CCDC73: variants seen among roughly 807,000 people sequenced by gnomAD.
CCDC73 encodes coiled-coil domain containing 73.
In CCDC73, 95 loss-of-function variants were observed where a neutral mutation model predicts 116.5. That is an observed-to-expected ratio of 0.82 (90% CI 0.69 to 0.97). The LOEUF is 0.97. Ranked by LOEUF, CCDC73 falls within the 50% of genes least tolerant of loss-of-function variation. CCDC73 has a pLI of 0.00. For synonymous variants in CCDC73, 398 were observed against 401.3 expected (o/e 0.99, Z 0.10); for missense variants, 1,066 against 1,206.8 (o/e 0.88, Z 1.73).
At chr11:32,660,002 A>T (rs1253253471) in intron 9 of CCDC73, among the ~76,000 whole-genome samples, 2 of 152,156 alleles carry the variant, frequency 1.3e-5, no homozygotes, top group African/African-American at 4.8e-5. Flanking sequence ...TGAGGAATAG[A>T]GTAATATTAA....
At chr11:32,807,930 T>C in the CCDC73 span, among the ~76,000 whole-genome samples, 8 of 152,218 alleles carry the variant, frequency 5.3e-5, no homozygotes, top group Non-Finnish European at 1.2e-4. Flanking sequence ...TAGAAAAGCA[T>C]GTTTAGAGAA....
intron 6 of CCDC73, 133 bp from the exon 7 acceptor site, chr11:32,683,707 A>T: frequency 3.5e-6 from 2 of 577,058 alleles, no homozygotes; most frequent in Non-Finnish European, 6.2e-6. Context: ...TTCAACACAC[A>T]TTTATGGCAC....
intron 6 of CCDC73, among the ~76,000 whole-genome samples, chr11:32,684,620 G>A (rs754887990): frequency 4.2e-4 from 64 of 152,186 alleles, no homozygotes; most frequent in Non-Finnish European, 7.9e-4. Flanking sequence ...CTTGTATCTA[G>A]ACTTTTAAAG....
At chr11:32,821,558 G>T in the CCDC73 span, among the ~76,000 whole-genome samples, 540 of 152,174 alleles carry the variant, frequency 3.5e-3, 6 homozygotes, top group African/African-American at 0.013. Context: ...AAAAAAGAAA[G>T]AAAAAAGTAT....
intron 1 of CCDC73, among the ~76,000 whole-genome samples, chr11:32,782,093 T>C (rs1451710159): frequency 1.3e-5 from 2 of 152,132 alleles, no homozygotes; most frequent in African/African-American, 4.8e-5. Flanking sequence ...ATGCTCCTTA[T>C]GAGAATCTAA....
chr11:32,690,648 C>T (rs1189437994), intron 6 of CCDC73, among the ~76,000 whole-genome samples: 1 of 152,118 alleles, frequency 6.6e-6, no homozygotes, highest in Non-Finnish European at 1.5e-5. Flanking sequence ...TCTCTGTCTC[C>T]TGCTCTGCCA....
chr11:32,625,173 CT>C (rs1855558696), intron 14 of CCDC73, among the ~76,000 whole-genome samples: 1 of 152,120 alleles, frequency 6.6e-6, no homozygotes, highest in Non-Finnish European at 1.5e-5. Context: ...CTATGTGTGT[CT>C]CTGCACGTCA....
At position 32,615,055 on chromosome 11, in the gene CCDC73, G is replaced by C. The variant is rs1200997386; in HGVS notation, c.1376-113C>G. ...CATATTTAACCTTAAATATTTTATG[G>C]GTCAATAATTATACAAACTTAATGA... On this transcript the variant is annotated intron_variant, in intron 15 of 17. Transcript: ENST00000335185. 7.6e-5 allele frequency: 46 copies of C among 601,708 alleles called. 1 individual carries two copies. Among genetic ancestry groups the C allele is most frequent in the Non-Finnish European group, 4.9e-5 (18 of 365,702 alleles). The allele number at this position is 601,708 out of a possible 1,614,324, so 37.3% of individuals were successfully genotyped here.
chr11:32,809,587 A>G, the CCDC73 span, among the ~76,000 whole-genome samples: 1 of 152,216 alleles, frequency 6.6e-6, no homozygotes, highest in Non-Finnish European at 1.5e-5. Context: ...GAAAAGAAAC[A>G]TCCCCGCTCT....
chr11:32,775,979 C>A (rs1387298901), intron 1 of CCDC73, among the ~76,000 whole-genome samples: 1 of 152,122 alleles, frequency 6.6e-6, no homozygotes, highest in East Asian at 1.9e-4. Context: ...TCAGTAGTAT[C>A]ATGTATTCTA....
intron 17 of CCDC73, among the ~76,000 whole-genome samples, chr11:32,610,839 T>C (rs1855415457): frequency 6.6e-6 from 1 of 152,232 alleles, no homozygotes; most frequent in Non-Finnish European, 1.5e-5. Context: ...AAATTTTAAA[T>C]GCTCAAATAC....
chr11:32,758,515 T>C, intron 2 of CCDC73: 1 of 459,848 alleles, frequency 2.2e-6, no homozygotes, highest in South Asian at 1.7e-5. Context: ...CCATGTATGC[T>C]AATTGTGTCC....
rs550947395 is a variant in CCDC73 at position 32,769,051 on chromosome 11, T to C, written c.-15-8793A>G. 5.9e-5 allele frequency among the ~76,000 whole-genome samples: 9 copies of C among 152,230 alleles called. No individual in the cohort carries two copies. The East Asian group carries it at 1.5e-3, about 26-fold the overall frequency. ...CCAGGTCAGTCAAAAATTTAAAAGT[T>C]TGACATTACCAAGTATTAGTAAAGA... On this transcript the variant is annotated intron_variant, in intron 1 of 17. Coordinates refer to ENST00000335185, the MANE Select transcript of CCDC73 (RefSeq NM_001008391.4).
At chr11:32,612,798 G>A (rs1378757168) in intron 16 of CCDC73, among the ~76,000 whole-genome samples, 1 of 151,824 alleles carries the variant, frequency 6.6e-6, no homozygotes, top group Non-Finnish European at 1.5e-5. Flanking sequence ...CATGTACTTC[G>A]ATACCCATCA....
intron 10 of CCDC73, 42 bp from the exon 11 acceptor site, chr11:32,654,079 A>G (rs778219821): frequency 3.3e-6 from 5 of 1,532,674 alleles, no homozygotes; most frequent in South Asian, 1.2e-5. Flanking sequence ...TATAAAATTC[A>G]GCAAATTCTA....
chr11:32,611,010 G>T, intron 17 of CCDC73, 122 bp downstream of exon 17: 2 of 869,278 alleles, frequency 2.3e-6, no homozygotes, highest in Non-Finnish European at 3.5e-6. Flanking sequence ...GTGCCATGTT[G>T]CCCTCTTGAT....
chr11:32,681,952 T>C (rs980375725), intron 7 of CCDC73: 5 of 151,814 alleles, frequency 3.3e-5, no homozygotes, highest in Admixed American at 6.6e-5. Context: ...TACCAACATA[T>C]AAAACTTTTT....
intron 2 of CCDC73, among the ~76,000 whole-genome samples, chr11:32,750,264 C>T (rs1404308146): frequency 6.6e-6 from 1 of 152,168 alleles, no homozygotes; most frequent in Non-Finnish European, 1.5e-5. Context: ...CTGTGACGAC[C>T]ACCACTGGGA....
rs1590618743 is a variant in CCDC73 at position 32,731,881 on chromosome 11, C to T, written c.136-13734G>A. On this transcript the variant is annotated intron_variant, in intron 2 of 17. Coordinates refer to ENST00000335185, the MANE Select transcript of CCDC73 (RefSeq NM_001008391.4). ...TCTCCTCCAAAGGAAAGCAGCTCCTCGCCAGCAAAGGAACAAAGCTGGACG... is the reference window on the plus strand; with the variant it reads ...TCTCCTCCAAAGGAAAGCAGCTCCTTGCCAGCAAAGGAACAAAGCTGGACG... 4.6e-5 allele frequency among the ~76,000 whole-genome samples: 7 copies of T among 152,170 alleles called. No individual in the cohort carries two copies. The South Asian group carries it at 1.0e-3, about 23-fold the overall frequency.
Sources: allele counts gnomAD v4.1 joint callset (sites outside exome capture counted in the v4.1 genomes callset), GRCh38; gene constraint gnomAD v4.1.1; transcripts MANE v1.5; gene names NCBI Gene and HGNC (gene_info 2026-07-23, HGNC 2026-07-21).